The following PALD1 variants were observed in gnomAD, a reference collection of about 807,000 sequenced individuals.
PALD1 encodes phosphatase domain containing paladin 1.
PALD1 carries 57 observed loss-of-function variants against 96.0 expected under a neutral mutation model. The ratio of observed to expected loss-of-function variants is 0.59; its 90% CI spans 0.48 to 0.74. PALD1 has a LOEUF of 0.74. PALD1 is among the 30% of genes least tolerant of loss of function. The pLI is 0.00. For missense variants in PALD1, 1,063 were observed against 1,143.7 expected (o/e 0.93, Z 1.02); for synonymous variants, 464 against 473.6 (o/e 0.98, Z 0.26).
the PALD1 span, among the ~76,000 whole-genome samples, chr10:70,468,368 C>T: frequency 1.4e-4 from 22 of 151,784 alleles, no homozygotes; most frequent in African/African-American, 2.2e-4. Flanking sequence ...CTCAGCTTCC[C>T]GGGTAGCTGA....
At chr10:70,468,702 C>CTGTGTGTGTGTGTGTG in the PALD1 span, among the ~76,000 whole-genome samples, 32 of 123,882 alleles carry the variant, frequency 2.6e-4, no homozygotes, top group African/African-American at 4.7e-4. Context: ...TGAGGCAGGA[C>CTGTGTGTGTGTGTGTG]TGTGTGTGTG....
At chr10:70,492,629 G>A (rs1010651200) in intron 1 of PALD1, among the ~76,000 whole-genome samples, 4 of 151,702 alleles carry the variant, frequency 2.6e-5, no homozygotes, top group Non-Finnish European at 5.9e-5. Flanking sequence ...GCTAATTTTT[G>A]TGTATTTAGT....
In PALD1 at chr10:70,529,942, C is replaced by T. The variant is rs764470628; in HGVS notation, c.342C>T (p.Thr114=). 17 of 1,613,700 alleles carry T rather than the reference C, an allele frequency of 1.1e-5. No individual in the cohort carries two copies. The Middle Eastern group carries it at 6.6e-4, about 62-fold the overall frequency. Residue 114 remains threonine, a synonymous_variant, in exon 4 of 20, where the codon ACC becomes ACT. Coordinates refer to ENST00000263563, the MANE Select transcript of PALD1 (RefSeq NM_014431.3). ...DVTEKMDVLG[T]VGSCGAPNFR... ...CTGAGAAGATGGATGTGCTGGGCAC[C>T]GTGGGAAGCTGTGGGGCCCCCAACT...
At chr10:70,465,766 A>AG in the PALD1 span, among the ~76,000 whole-genome samples, 9 of 152,124 alleles carry the variant, frequency 5.9e-5, no homozygotes, top group East Asian at 7.7e-4. Flanking sequence ...GAAGAGCTTG[A>AG]GGGGGCTTGT....
At chr10:70,526,901 A>G (rs553377438) in intron 2 of PALD1, among the ~76,000 whole-genome samples, 144 of 152,308 alleles carry the variant, frequency 9.5e-4, no homozygotes, top group South Asian at 1.9e-3. Context: ...TGTTCCGCAC[A>G]TCAAAGTTTG....
chr10:70,543,116 T>C (rs967116936), intron 17 of PALD1, among the ~76,000 whole-genome samples: 1 of 150,992 alleles, frequency 6.6e-6, no homozygotes, highest in Admixed American at 6.6e-5. Context: ...AAGTGGTATA[T>C]TGTGGCTTTG....
chr10:70,519,772 G>T (rs1294306771), intron 1 of PALD1, among the ~76,000 whole-genome samples: 1 of 151,720 alleles, frequency 6.6e-6, no homozygotes, highest in African/African-American at 2.4e-5. Context: ...ACGGGGTTTC[G>T]CCATGTTGGC....
chr10:70,541,345 C>T, intron 16 of PALD1, 103 bp downstream of exon 16: 3 of 1,520,224 alleles, frequency 2.0e-6, no homozygotes, highest in Non-Finnish European at 2.7e-6. Context: ...GGGGCAGAGA[C>T]AGCCGGGTGT....
chr10:70,507,155 A>G (rs1846407504), intron 1 of PALD1, among the ~76,000 whole-genome samples: 1 of 151,782 alleles, frequency 6.6e-6, no homozygotes, highest in African/African-American at 2.4e-5. Context: ...TAATCCTAGC[A>G]CTTTGGGAGG....
intron 18 of PALD1, among the ~76,000 whole-genome samples, chr10:70,555,462 G>A (rs116864225): frequency 1.3e-5 from 2 of 151,290 alleles, no homozygotes; most frequent in African/African-American, 4.8e-5. Flanking sequence ...CTTTTCTGCC[G>A]CTGTGGCAGC....
At chr10:70,562,719 T>G (rs10999401) in intron 18 of PALD1, among the ~76,000 whole-genome samples, 64,121 of 151,608 alleles carry the variant, frequency 0.42, 13,709 homozygotes, top group Non-Finnish European at 0.45. Context: ...TGAGGCGAGG[T>G]GTGGCCTTCG....
At chr10:70,550,327 G>C (rs1246771009) in intron 18 of PALD1, among the ~76,000 whole-genome samples, 2 of 152,146 alleles carry the variant, frequency 1.3e-5, no homozygotes, top group African/African-American at 4.8e-5. Flanking sequence ...CCCAGCTTTA[G>C]TGGGCTTCAG....
At chr10:70,515,744 A>G (rs1369650473) in intron 1 of PALD1, among the ~76,000 whole-genome samples, 1 of 151,974 alleles carries the variant, frequency 6.6e-6, no homozygotes, top group Non-Finnish European at 1.5e-5. Flanking sequence ...CTCAGTTTAC[A>G]GTTGGGGAAA....
the PALD1 span, among the ~76,000 whole-genome samples, chr10:70,472,618 A>G: frequency 1.3e-5 from 2 of 152,058 alleles, no homozygotes; most frequent in African/African-American, 2.4e-5. Context: ...CAGCCTTTTT[A>G]TTCAGGGATG....
At chr10:70,515,873 C>T (rs1349710328) in intron 1 of PALD1, among the ~76,000 whole-genome samples, 1 of 152,164 alleles carries the variant, frequency 6.6e-6, no homozygotes, top group Non-Finnish European at 1.5e-5. Context: ...CCTGTGTCCC[C>T]AGCCAGGGGT....
At chr10:70,552,311 G>A (rs1026112518) in intron 18 of PALD1, among the ~76,000 whole-genome samples, 4 of 152,190 alleles carry the variant, frequency 2.6e-5, no homozygotes, top group African/African-American at 7.2e-5. Flanking sequence ...TGTGTAGCAC[G>A]CGCGGCCCTT....
chr10:70,497,285 C>T (rs1048643268), intron 1 of PALD1, among the ~76,000 whole-genome samples: 20 of 152,256 alleles, frequency 1.3e-4, no homozygotes, highest in Non-Finnish European at 7.3e-5. Context: ...CAGAGCCCTG[C>T]ACACACCTTC....
In PALD1 at chr10:70,525,963, G is replaced by A. The variant is rs758520129; in HGVS notation, c.12G>A (p.Thr4=). 9.3e-6 allele frequency: 15 copies of A among 1,614,080 alleles called. No individual in the cohort carries two copies. Among genetic ancestry groups the A allele is most frequent in the South Asian group, 8.8e-5 (8 of 91,078 alleles). The part of the protein sequence containing the change: MGT[T]ASTAQQTVSA... ...GCTGCTGGCAGACTATGGGTACAAC[G>A]GCCAGCACAGCCCAGCAGACGGTCT... is the stretch of plus-strand genomic sequence containing the variant. The change falls in exon 2 of 20, where the codon ACG becomes ACA. Residue 4 remains threonine (T), a synonymous_variant. Transcript: ENST00000263563.
At chr10:70,513,796 T>C (rs4747046) in intron 1 of PALD1, among the ~76,000 whole-genome samples, 73,627 of 152,040 alleles carry the variant, frequency 0.48, 19,556 homozygotes, top group East Asian at 0.66. Flanking sequence ...TGAGATCCCA[T>C]AGACAGAGCG....
Sources: allele counts gnomAD v4.1 joint callset (sites outside exome capture counted in the v4.1 genomes callset), GRCh38; gene constraint gnomAD v4.1.1; transcripts MANE v1.5; gene names NCBI Gene and HGNC (gene_info 2026-07-23, HGNC 2026-07-21).